DNA2: variants seen among roughly 807,000 people sequenced by gnomAD.
DNA2 encodes the protein DNA replication helicase/nuclease 2.
Under a neutral mutation model 119.1 loss-of-function variants are expected in DNA2, and 101 were observed. The observed-to-expected ratio is 0.85, with a 90% CI of 0.72 to 1.00. The LOEUF (loss-of-function observed/expected upper bound fraction) is 1.00. DNA2 is among the 50% of genes least tolerant of loss of function. The pLI, the probability that DNA2 is intolerant of heterozygous loss-of-function variation, is 0.00. For missense variants in DNA2, 1,121 were observed against 1,255.5 expected, an observed-to-expected ratio of 0.89 and a Z score of 1.62; for synonymous variants, 366 against 424.4, an observed-to-expected ratio of 0.86 and a Z score of 1.69.
Position 68,414,069 on chromosome 10 carries a change from T to C in DNA2, c.*970A>G, listed in dbSNP as rs1227260458. ...AATAATTGACACAGTTAAGATCCAT[T>C]AGTAGAAAAAATTTATTAAATAAAA... is the stretch of plus-strand genomic sequence containing the variant. On this transcript the variant is annotated 3_prime_UTR_variant, in exon 21 of 21. Transcript: ENST00000358410. The C allele has an allele frequency of 1.3e-5, 2 of 151,416 alleles. No individual in the cohort carries two copies. Among genetic ancestry groups the C allele is most frequent in the Non-Finnish European group, 2.9e-5 (2 of 67,922 alleles). 9.4% of individuals were successfully genotyped at this position (151,416 alleles called of 1,614,324 possible).
chr10:68,419,934 A>G (rs2051643219), intron 17 of DNA2, 42 bp from the exon 18 acceptor site: 1 of 1,531,426 alleles, frequency 6.5e-7, no homozygotes, highest in African/African-American at 1.4e-5. Flanking sequence ...TACAATCTCT[A>G]AAGAGTACTA....
intron 10 of DNA2, among the ~76,000 whole-genome samples, chr10:68,434,775 A>C (rs1045775328): frequency 1.3e-5 from 2 of 152,232 alleles, no homozygotes; most frequent in African/African-American, 4.8e-5. Context: ...CAAGCAGACA[A>C]CTGGAATATT....
At chr10:68,458,992 A>G in intron 5 of DNA2, 112 bp downstream of exon 5, 1 of 960,248 alleles carries the variant, frequency 1.0e-6, no homozygotes, top group Non-Finnish European at 1.4e-6. Context: ...ATAAGCAAGC[A>G]AAATGGCTAA....
At chr10:68,439,796 C>T (rs2051942333) in intron 9 of DNA2, among the ~76,000 whole-genome samples, 1 of 151,218 alleles carries the variant, frequency 6.6e-6, no homozygotes, top group Admixed American at 6.6e-5. Context: ...CAAGATTGTG[C>T]CATTGCACTC....
intron 6 of DNA2, among the ~76,000 whole-genome samples, chr10:68,447,752 G>C (rs1239512358): frequency 6.6e-6 from 1 of 151,652 alleles, no homozygotes; most frequent in African/African-American, 2.4e-5. Flanking sequence ...GGGAGGCCGA[G>C]GCGGGCGGAT....
rs10998197 is a variant in DNA2 at position 68,458,803 on chromosome 10, A to G, written c.719+301T>C. On this transcript the variant is annotated intron_variant, in intron 5 of 20. Transcript: ENST00000358410. Reference sequence around the variant, plus strand: ...GCGGAGGTTGCCGGGAGCAGAGATCAGTGCCACTGTATTTCCAGCCTGTGC... The same window carrying G: ...GCGGAGGTTGCCGGGAGCAGAGATCGGTGCCACTGTATTTCCAGCCTGTGC... Among the ~76,000 whole-genome samples the G allele has an allele frequency of 0.15, 23,305 of 152,112 alleles. 1,972 individuals are homozygous for G. Among genetic ancestry groups the G allele is most frequent in the East Asian group, 0.26 (1,319 of 5,170 alleles).
chr10:68,419,465 C>T (rs528838072), intron 18 of DNA2: 1 of 510,530 alleles, frequency 2.0e-6, no homozygotes, highest in Non-Finnish European at 3.4e-6. Flanking sequence ...GCTACTAAAA[C>T]AGTGCACACA....
At position 68,419,023 on chromosome 10, in the gene DNA2, A is replaced by T; in HGVS notation, c.2967+11T>A. On this transcript the variant is annotated intron_variant, in intron 19 of 20. Transcript: ENST00000358410. ...CCCCAAATGAATCAGTAGCAAACAC[A>T]ATTAACTCACAGTTCCATCCTTATT... is the stretch of plus-strand genomic sequence containing the variant. The T allele has an allele frequency of 6.3e-7, 1 of 1,574,902 alleles. No homozygotes were observed. The highest frequency in any genetic ancestry group is 8.6e-7 in the Non-Finnish European group (1 of 1,164,466).
At chr10:68,445,509 T>C (rs2052027230) in intron 7 of DNA2, among the ~76,000 whole-genome samples, 2 of 152,108 alleles carry the variant, frequency 1.3e-5, no homozygotes, top group East Asian at 3.9e-4. Context: ...AAAAACATTT[T>C]AAAACGGAGA....
intron 7 of DNA2, 34 bp downstream of exon 7, chr10:68,446,262 C>G: frequency 8.3e-7 from 1 of 1,203,136 alleles, no homozygotes. Context: ...GGGGGGTGGG[C>G]AAAGAAGTAA....
intron 4 of DNA2, among the ~76,000 whole-genome samples, chr10:68,460,421 T>C (rs982566773): frequency 2.5e-5 from 3 of 122,066 alleles, no homozygotes; most frequent in Admixed American, 9.8e-5. Context: ...ATACGGTAAT[T>C]TTTTTTTTTT....
At chr10:68,423,321 G>A (rs749746564) in intron 14 of DNA2, among the ~76,000 whole-genome samples, 4 of 151,902 alleles carry the variant, frequency 2.6e-5, no homozygotes, top group Admixed American at 6.6e-5. Flanking sequence ...CTGAAAGGTG[G>A]AGAGAAGGCA....
intron 5 of DNA2, among the ~76,000 whole-genome samples, chr10:68,455,015 T>G (rs2052165867): frequency 6.6e-6 from 1 of 150,720 alleles, no homozygotes; most frequent in Non-Finnish European, 1.5e-5. Flanking sequence ...CTCAGCTCAC[T>G]GCAACCTCTG....
chr10:68,417,237 C>G (rs10998144), intron 19 of DNA2, among the ~76,000 whole-genome samples: 1 of 144,920 alleles, frequency 6.9e-6, no homozygotes, highest in African/African-American at 2.6e-5. Context: ...GACCTAGCCT[C>G]TCAAAAAAAA....
intron 14 of DNA2, among the ~76,000 whole-genome samples, chr10:68,423,729 A>T (rs1171458744): frequency 2.6e-5 from 4 of 152,186 alleles, no homozygotes; most frequent in Non-Finnish European, 5.9e-5. Flanking sequence ...AACTGGCACC[A>T]ACCCCACATG....
chr10:68,446,926 A>G (rs565214030), intron 6 of DNA2, among the ~76,000 whole-genome samples: 1 of 152,278 alleles, frequency 6.6e-6, no homozygotes, highest in African/African-American at 2.4e-5. Flanking sequence ...TGAATAAGAC[A>G]GTATTTGCTA....
At chr10:68,425,386 G>A (rs1486282857) in intron 14 of DNA2, among the ~76,000 whole-genome samples, 1 of 150,426 alleles carries the variant, frequency 6.6e-6, no homozygotes, top group South Asian at 2.1e-4. Flanking sequence ...GAGCCACTGG[G>A]CCCGGCCATG....
At chr10:68,454,722 C>T (rs969405642) in intron 5 of DNA2, among the ~76,000 whole-genome samples, 5 of 151,980 alleles carry the variant, frequency 3.3e-5, no homozygotes, top group South Asian at 2.1e-4. Context: ...AGAAGAATCG[C>T]TTGAACCTGG....
intron 3 of DNA2, among the ~76,000 whole-genome samples, chr10:68,466,396 C>A (rs1297512560): frequency 6.6e-6 from 1 of 151,954 alleles, no homozygotes; most frequent in Non-Finnish European, 1.5e-5. Context: ...TCAATAAAGG[C>A]ATAGCTGATA....
Sources: allele counts gnomAD v4.1 joint callset (sites outside exome capture counted in the v4.1 genomes callset), GRCh38; gene constraint gnomAD v4.1.1; transcripts MANE v1.5; gene names NCBI Gene and HGNC (gene_info 2026-07-23, HGNC 2026-07-21).